Variants in UBE2G1 observed in about 807,000 individuals in gnomAD.
UBE2G1 encodes the protein ubiquitin-conjugating enzyme E2 G1.
In UBE2G1, 5 loss-of-function variants were observed where a neutral mutation model predicts 22.7. That is an observed-to-expected ratio of 0.22 (90% confidence interval 0.12 to 0.46). The LOEUF is 0.46. Ranked by LOEUF, UBE2G1 falls within the 20% of genes least tolerant of loss-of-function variation. The pLI, the probability that UBE2G1 is intolerant of heterozygous loss-of-function variation, is 0.99. For missense variants in UBE2G1, 88 were observed against 203.9 expected, an observed-to-expected ratio of 0.43 and a Z score of 3.46; for synonymous variants, 74 against 67.5, an observed-to-expected ratio of 1.10 and a Z score of -0.47.
In UBE2G1 at chr17:4,271,997, G is replaced by A. The variant is rs1968765901; in HGVS notation, c.*557C>T. 6.6e-6 allele frequency: 1 copy of A among 152,542 alleles called. No homozygotes were observed. The highest frequency in any genetic ancestry group is 1.5e-5 in the Non-Finnish European group (1 of 68,030). 9.4% of individuals were successfully genotyped at this position (152,542 alleles called of 1,614,324 possible). A position where few individuals can be genotyped will look rare whatever the true frequency, so the allele number is the denominator to read the frequency against. ...GGCAGGTAAGAGATAAAAGCAAAGG[G>A]GAGTGTGTCAAAACAAAGAAGATAC... On this transcript the variant is annotated 3_prime_UTR_variant, in exon 6 of 6. Transcript: ENST00000396981.
At chr17:4,357,511 G>GC (rs1349660027) in intron 1 of UBE2G1, among the ~76,000 whole-genome samples, 2 of 84,866 alleles carry the variant, frequency 2.4e-5, no homozygotes, top group East Asian at 3.7e-4. Context: ...GTGTGTGTGG[G>GC]GGGGGGGGGT....
chr17:4,335,696 T>C (rs1228536650), intron 1 of UBE2G1, among the ~76,000 whole-genome samples: 1 of 152,196 alleles, frequency 6.6e-6, no homozygotes, highest in African/African-American at 2.4e-5. Flanking sequence ...TGGTACGTCA[T>C]AGTTTCTTTG....
At chr17:4,302,094 C>A in intron 2 of UBE2G1, 1 of 524,022 alleles carries the variant, frequency 1.9e-6, no homozygotes, top group Admixed American at 2.0e-5. Context: ...TTTCTCCTTA[C>A]CCCTGTGGCT....
At chr17:4,338,686 G>A (rs889237498) in intron 1 of UBE2G1, among the ~76,000 whole-genome samples, 4 of 152,194 alleles carry the variant, frequency 2.6e-5, no homozygotes, top group Non-Finnish European at 5.9e-5. Flanking sequence ...CACTGGTCTA[G>A]CTAGGCAGTA....
chr17:4,292,047 G>C (rs1040928828), intron 3 of UBE2G1, among the ~76,000 whole-genome samples: 1 of 152,052 alleles, frequency 6.6e-6, no homozygotes, highest in South Asian at 2.1e-4. Context: ...CGGGCACAGT[G>C]GCTCGGCCCA....
chr17:4,312,443 GC>G (rs1969320598), intron 1 of UBE2G1, among the ~76,000 whole-genome samples: 1 of 151,988 alleles, frequency 6.6e-6, no homozygotes, highest in Non-Finnish European at 1.5e-5. Flanking sequence ...AGAAAGGTAA[GC>G]CAGTGAAATA....
chr17:4,304,953 C>CT (rs554912028), intron 2 of UBE2G1, among the ~76,000 whole-genome samples: 6,949 of 137,120 alleles, frequency 0.051, 524 homozygotes, highest in African/African-American at 0.16. Flanking sequence ...TTTTTAAGAA[C>CT]TTTTTTTTTT....
In UBE2G1 at chr17:4,362,010, CACAAA is replaced by C. The variant is rs138077023; in HGVS notation, c.46+4256_46+4260del. 9.3e-3 allele frequency among the ~76,000 whole-genome samples: 1,408 copies of C among 150,742 alleles called. 8 individuals carry two copies. The highest frequency in any genetic ancestry group is 0.026 in the South Asian group (121 of 4,744). ...ATATTTGTCAATGATGGGTTGCTTC[CACAAA>C]AAGAACTTATGGCCAGGGTGAAAAG... On this transcript the variant is annotated intron_variant, in intron 1 of 5. Coordinates refer to ENST00000396981, the MANE Select transcript of UBE2G1 (RefSeq NM_003342.5).
At chr17:4,279,978 T>C (rs926778719) in intron 5 of UBE2G1, among the ~76,000 whole-genome samples, 3 of 151,534 alleles carry the variant, frequency 2.0e-5, no homozygotes, top group Non-Finnish European at 4.4e-5. Context: ...ATATGCAATT[T>C]CACTGGTAAC....
chr17:4,324,735 A>C (rs4790612), intron 1 of UBE2G1, among the ~76,000 whole-genome samples: 2,513 of 152,178 alleles, frequency 0.017, 142 homozygotes, highest in Admixed American at 0.11. Context: ...TGATTTCTTG[A>C]GAAAATAATT....
chr17:4,366,423 G>T lies in UBE2G1; in HGVS notation c.-107C>A. On this transcript the variant is annotated 5_prime_UTR_variant, in exon 1 of 6. Coordinates refer to ENST00000396981, the MANE Select transcript of UBE2G1 (RefSeq NM_003342.5). The stretch of plus-strand genomic sequence containing the variant: ...GCCGAGGAACCCGGGCCCCGCGACC[G>T]GAGCGCCGGAGCCGAGGAAGGCCGG... The T allele has an allele frequency of 4.3e-6, 5 of 1,165,168 alleles. No individual in the cohort carries two copies. The highest frequency in any genetic ancestry group is 4.5e-6 in the Non-Finnish European group (4 of 897,414). The allele number at this position is 1,165,168 out of a possible 1,614,324, so 72.2% of individuals were successfully genotyped here.
intron 5 of UBE2G1, among the ~76,000 whole-genome samples, chr17:4,274,203 T>C (rs1346585730): frequency 7.1e-6 from 1 of 140,912 alleles, no homozygotes; most frequent in African/African-American, 2.6e-5. Flanking sequence ...GATGGTCTTT[T>C]TTTTTTTTTT....
At chr17:4,306,762 C>T (rs1439333013) in intron 2 of UBE2G1, among the ~76,000 whole-genome samples, 2 of 152,098 alleles carry the variant, frequency 1.3e-5, no homozygotes, top group Admixed American at 6.5e-5. Flanking sequence ...AGTGATTCTC[C>T]TGCCTCAGCC....
rs111710594 is a variant in UBE2G1 at position 4,294,794 on chromosome 17, T to A, written c.247+1923A>T. Among the ~76,000 whole-genome samples the A allele has an allele frequency of 9.6e-4, 146 of 152,244 alleles. 1 individual carries two copies. Among genetic ancestry groups the A allele is most frequent in the African/African-American group, 3.3e-3 (137 of 41,544 alleles). On this transcript the variant is annotated intron_variant, in intron 3 of 5. Transcript: ENST00000396981. ...AGCTGGGTGTGGTGGCGTGTCCCTG[T>A]CATCCCAGCTACTTGGGAGGATCAC...
intron 1 of UBE2G1, among the ~76,000 whole-genome samples, chr17:4,320,315 CTATT>C (rs1292410646): frequency 1.3e-5 from 2 of 152,140 alleles, no homozygotes; most frequent in African/African-American, 2.4e-5. Context: ...AGTCTCAAAA[CTATT>C]TAGAGGTTTT....
chr17:4,334,363 A>G (rs994931264), intron 1 of UBE2G1, among the ~76,000 whole-genome samples: 5 of 152,206 alleles, frequency 3.3e-5, no homozygotes, highest in Admixed American at 3.3e-4. Context: ...CTGTGTACAA[A>G]AGTTTATCCA....
chr17:4,344,489 G>C (rs941594837), intron 1 of UBE2G1, among the ~76,000 whole-genome samples: 18 of 151,620 alleles, frequency 1.2e-4, no homozygotes, highest in South Asian at 6.3e-4. Flanking sequence ...GCAATGAGCC[G>C]AGATTGCGCC....
chr17:4,308,027 A>G (rs1955499510), intron 1 of UBE2G1, among the ~76,000 whole-genome samples: 1 of 152,200 alleles, frequency 6.6e-6, no homozygotes, highest in Non-Finnish European at 1.5e-5. Context: ...TTAATGAGGT[A>G]TAACTGACAT....
At chr17:4,279,209 A>G (rs944469286) in intron 5 of UBE2G1, among the ~76,000 whole-genome samples, 5 of 150,550 alleles carry the variant, frequency 3.3e-5, no homozygotes, top group Non-Finnish European at 7.4e-5. Context: ...TGGGAGGCGG[A>G]GGTTGCAGTG....
Sources: allele counts gnomAD v4.1 joint callset (sites outside exome capture counted in the v4.1 genomes callset), GRCh38; gene constraint gnomAD v4.1.1; transcripts MANE v1.5; gene names NCBI Gene and HGNC (gene_info 2026-07-23, HGNC 2026-07-21).